The following TRPM2 variants were observed in gnomAD, a reference collection of about 807,000 sequenced individuals.
TRPM2 encodes transient receptor potential cation channel subfamily M member 2.
A neutral mutation model predicts 174.0 loss-of-function variants in TRPM2; 161 were observed. That is an observed-to-expected ratio of 0.93 (90% confidence interval 0.81 to 1.05). The LOEUF (loss-of-function observed/expected upper bound fraction) is 1.05. Among genes scored for constraint, TRPM2 ranks in the 50% least tolerant of loss-of-function variants. The probability of loss-of-function intolerance (pLI) is 0.00; values close to 1 mark genes in which losing one functional copy is unlikely to be tolerated. For missense variants in TRPM2, 2,057 were observed against 2,038.0 expected (o/e 1.01, Z -0.18); for synonymous variants, 954 against 861.3 (o/e 1.11, Z -1.88).
At chr21:44,434,958 G>T (rs186706381) in intron 27 of TRPM2, among the ~76,000 whole-genome samples, 173 bp from the exon 28 acceptor site, 64 of 152,176 alleles carry the variant, frequency 4.2e-4, no homozygotes, top group Non-Finnish European at 7.9e-4. Flanking sequence ...ACTCCTTGGG[G>T]GTCCCAAAGG....
intron 27 of TRPM2, among the ~76,000 whole-genome samples, chr21:44,428,257 CAG>C (rs1231150741): frequency 6.6e-6 from 1 of 152,172 alleles, no homozygotes; most frequent in East Asian, 1.9e-4. Context: ...GACTTTAATA[CAG>C]CTGAAGGCTG....
rs2048383838 is a variant in TRPM2, at chr21:44,367,015, C to G, written c.604+81C>G. 6.2e-6 allele frequency: 9 copies of G among 1,461,902 alleles called. No individual in the cohort carries two copies. The South Asian group carries it at 1.1e-4, about 18-fold the overall frequency. 90.6% of individuals were successfully genotyped at this position (1,461,902 alleles called of 1,614,324 possible). Reference sequence around the variant, plus strand: ...GCAGTGCTGGGGCAATCAGGGCCATCAGGACCCAAAAAGTCCCTGGGAGCC... The same window carrying G: ...GCAGTGCTGGGGCAATCAGGGCCATGAGGACCCAAAAAGTCCCTGGGAGCC... On this transcript the variant is annotated intron_variant, in intron 4 of 31. Coordinates refer to ENST00000397928, the MANE Select transcript of TRPM2 (RefSeq NM_003307.4). The surrounding 1 kb of genome is among the most constrained non-coding windows in gnomAD (Gnocchi z 4.6).
intron 2 of TRPM2, among the ~76,000 whole-genome samples, chr21:44,362,837 C>T (rs1602129571): frequency 1.3e-5 from 2 of 151,968 alleles, no homozygotes; most frequent in East Asian, 3.9e-4. Context: ...GCAGTGGCAC[C>T]ATCTGGGCTC....
At chr21:44,420,508 C>G (rs1320863113) in intron 22 of TRPM2, among the ~76,000 whole-genome samples, 2 of 152,226 alleles carry the variant, frequency 1.3e-5, no homozygotes, top group Non-Finnish European at 2.9e-5. Flanking sequence ...GGTCGCTGGT[C>G]TCCAGGCCTG....
intron 28 of TRPM2, among the ~76,000 whole-genome samples, chr21:44,436,193 T>G (rs1187914101): frequency 1.3e-5 from 2 of 152,182 alleles, no homozygotes; most frequent in Non-Finnish European, 2.9e-5. Flanking sequence ...TCTGTGCAGG[T>G]GCAGACGCCT....
chr21:44,370,167 G>T (rs1034705609), intron 5 of TRPM2, among the ~76,000 whole-genome samples: 2 of 152,122 alleles, frequency 1.3e-5, no homozygotes, highest in African/African-American at 4.8e-5. Context: ...CACTCGCTGC[G>T]AGGGTTCCGC....
intron 22 of TRPM2, 29 bp downstream of exon 22, chr21:44,418,584 G>A (rs201428532): frequency 3.6e-4 from 573 of 1,612,092 alleles, no homozygotes; most frequent in Non-Finnish European, 4.4e-4. Flanking sequence ...GCCTGGGGGC[G>A]GGAAGCCTCT....
intron 2 of TRPM2, among the ~76,000 whole-genome samples, chr21:44,359,743 G>GTC (rs1027928168): frequency 2.3e-5 from 3 of 131,808 alleles, no homozygotes; most frequent in Admixed American, 2.2e-4. Context: ...ACATATATAT[G>GTC]TATATATATA....
At position 44,367,240 on chromosome 21, in the gene TRPM2, T is replaced by C. The variant is rs2048389065; in HGVS notation, c.604+306T>C. Among the ~76,000 whole-genome samples the C allele has an allele frequency of 6.6e-6, 1 of 151,118 alleles. No individual in the cohort carries two copies. Among genetic ancestry groups the C allele is most frequent in the South Asian group, 2.1e-4 (1 of 4,794 alleles). On this transcript the variant is annotated intron_variant, in intron 4 of 31. Coordinates refer to ENST00000397928, the MANE Select transcript of TRPM2 (RefSeq NM_003307.4). The surrounding 1 kb of genome is among the most constrained non-coding windows in gnomAD (Gnocchi z 4.6). Reference sequence around the variant, plus strand: ...TGGTGGCCTGAGAACCTTGGTGGCCTGGGAACCTCGGTGGCCTGAGAACCT... The same window carrying C: ...TGGTGGCCTGAGAACCTTGGTGGCCCGGGAACCTCGGTGGCCTGAGAACCT...
At chr21:44,421,222 G>A (rs948722468) in intron 22 of TRPM2, among the ~76,000 whole-genome samples, 2 of 152,160 alleles carry the variant, frequency 1.3e-5, no homozygotes, top group Non-Finnish European at 2.9e-5. Context: ...GGAGGCTGAG[G>A]CAGGAGAATC....
chr21:44,406,442 G>A, intron 18 of TRPM2, 152 bp from the exon 19 acceptor site: 1 of 935,714 alleles, frequency 1.1e-6, no homozygotes, highest in Non-Finnish European at 1.6e-6. Flanking sequence ...CGAGGGTGTG[G>A]GGGCAGCCCC....
chr21:44,369,234 C>A lies in TRPM2; in HGVS notation c.662C>A (p.Ala221Glu). 6.2e-7 allele frequency: 1 copy of A among 1,613,602 alleles called. No homozygotes were observed. The highest frequency in any genetic ancestry group is 8.5e-7 in the Non-Finnish European group (1 of 1,179,864). Residue 221 changes from alanine to glutamate, a missense_variant, in exon 5 of 32, where the codon GCG becomes GAG. Physicochemically the swap from Ala to Glu is moderately radical, Grantham distance 107. Coordinates refer to ENST00000397928, the MANE Select transcript of TRPM2 (RefSeq NM_003307.4). ...HTGVMKQVGEAVRDFSLSSSY... is the reference protein window; with the variant it reads ...HTGVMKQVGEEVRDFSLSSSY... ...GGCGTCATGAAGCAGGTAGGCGAGG[C>A]GGTGCGGGACTTCAGCCTGAGCAGC...
At position 44,366,960 on chromosome 21, in the gene TRPM2, A is replaced by C. The variant is rs1266507210; in HGVS notation, c.604+26A>C. 3 of 1,550,896 alleles carry C rather than the reference A, an allele frequency of 1.9e-6. No homozygotes were observed. In the African/African-American group the frequency reaches 4.1e-5, roughly 21 times the overall value. On this transcript the variant is annotated intron_variant, in intron 4 of 31. Coordinates refer to ENST00000397928, the MANE Select transcript of TRPM2 (RefSeq NM_003307.4). The surrounding 1 kb of genome is among the most constrained non-coding windows in gnomAD (Gnocchi z 6.0). ...GTAACTCGGAGGCTGGAGGGACACG[A>C]GGCCCCGGCGGGTGGGGTGGGCTGT... is the stretch of plus-strand genomic sequence containing the variant.
chr21:44,379,855 G>A (rs531371669), intron 8 of TRPM2, among the ~76,000 whole-genome samples: 2 of 152,308 alleles, frequency 1.3e-5, no homozygotes, highest in African/African-American at 2.4e-5. Context: ...TCTTTGCAGG[G>A]GCTGGCACTG....
upstream of TRPM2, among the ~76,000 whole-genome samples, chr21:44,351,174 CACCAGG>C (rs1168280631): frequency 1.3e-5 from 2 of 152,228 alleles, no homozygotes; most frequent in Non-Finnish European, 2.9e-5. Context: ...CGGGTGGGCA[CACCAGG>C]ATCCTCTCGA....
chr21:44,360,619 T>C (rs1346449722), intron 2 of TRPM2, among the ~76,000 whole-genome samples: 1 of 149,592 alleles, frequency 6.7e-6, no homozygotes, highest in African/African-American at 2.5e-5. Flanking sequence ...CAGGCTGGAG[T>C]GCAGTGGCAC....
chr21:44,418,164 G>T, intron 21 of TRPM2, 56 bp downstream of exon 21: 2 of 1,564,246 alleles, frequency 1.3e-6, no homozygotes, highest in Non-Finnish European at 1.7e-6. Flanking sequence ...TGCAGAGGGG[G>T]TGGAGATGGC....
chr21:44,407,244 G>A lies in TRPM2; in HGVS notation c.2962+479G>A, dbSNP rs145498571. 2.0e-4 allele frequency among the ~76,000 whole-genome samples: 28 copies of A among 139,810 alleles called. No individual in the cohort carries two copies. In the East Asian group the frequency reaches 4.1e-3, roughly 21 times the overall value. 91.7% of individuals were successfully genotyped at this position (139,810 alleles called of 152,430 possible). A position where few individuals can be genotyped will look rare whatever the true frequency, so the allele number is the denominator to read the frequency against. ...CTGCGCTCAAGTCCTCCTCCCACCC[G>A]TCTGCTGAGTAGCTGGGACTGCATG... On this transcript the variant is annotated intron_variant, in intron 19 of 31. Transcript: ENST00000397928.
intron 2 of TRPM2, among the ~76,000 whole-genome samples, chr21:44,360,232 T>C (rs1421700099): frequency 6.6e-6 from 1 of 152,094 alleles, no homozygotes; most frequent in Admixed American, 6.5e-5. Context: ...AAGTTAGCAG[T>C]TGAAGAAAGA....
Sources: gnomAD v4.1 joint callset for allele counts (sites outside exome capture counted in the v4.1 genomes callset) on GRCh38, gnomAD v4.1.1 for gene constraint, Gnocchi (gnomAD v3.1) non-coding constraint, MANE v1.5 for transcripts, NCBI Gene and HGNC (gene_info 2026-07-23, HGNC 2026-07-21) for gene names.